THADA: variants seen among roughly 807,000 people sequenced by gnomAD.
The protein encoded by THADA is THADA armadillo repeat containing, also known as tRNA (32-2'-O)-methyltransferase regulator THADA.
THADA carries 213 observed loss-of-function variants against 219.8 expected under a neutral mutation model. That is an observed-to-expected ratio of 0.97 (90% CI 0.87 to 1.09). The LOEUF is 1.09. THADA is among the 50% of genes least tolerant of loss of function. The pLI is 0.00. For synonymous variants in THADA, 1,018 were observed against 828.9 expected, an observed-to-expected ratio of 1.23 and a Z score of -3.92; for missense variants, 2,956 against 2,311.3, an observed-to-expected ratio of 1.28 and a Z score of -5.72.
intron 28 of THADA, among the ~76,000 whole-genome samples, chr2:43,409,782 G>A (rs1298670421): frequency 1.3e-5 from 2 of 152,110 alleles, no homozygotes; most frequent in Non-Finnish European, 2.9e-5. Flanking sequence ...CACTTTGGTA[G>A]ACTGAGGCAG....
chr2:43,534,888 A>G (rs1694346805), intron 21 of THADA, among the ~76,000 whole-genome samples: 1 of 152,002 alleles, frequency 6.6e-6, no homozygotes, highest in Non-Finnish European at 1.5e-5. Flanking sequence ...ATCATACGGT[A>G]TTTCTATGTG....
chr2:43,301,238 A>G (rs6727824), intron 31 of THADA, among the ~76,000 whole-genome samples: 33,345 of 152,168 alleles, frequency 0.22, 4,554 homozygotes, highest in African/African-American at 0.38. Context: ...ATTCCAGCGC[A>G]GGACTTCACA....
chr2:43,389,525 T>C (rs1201390880), intron 29 of THADA, among the ~76,000 whole-genome samples: 1 of 152,132 alleles, frequency 6.6e-6, no homozygotes, highest in African/African-American at 2.4e-5. Flanking sequence ...TTCTTCCACA[T>C]ATATTATTGT....
intron 31 of THADA, among the ~76,000 whole-genome samples, chr2:43,312,564 A>G (rs1205485605): frequency 3.3e-5 from 5 of 152,200 alleles, no homozygotes; most frequent in African/African-American, 4.8e-5. Flanking sequence ...AACATACCCT[A>G]TATTATTCTG....
chr2:43,550,475 A>G (rs571854264), intron 19 of THADA, among the ~76,000 whole-genome samples: 1 of 152,336 alleles, frequency 6.6e-6, no homozygotes, highest in South Asian at 2.1e-4. Flanking sequence ...TAAGAATCCT[A>G]TCCATTCAAT....
intron 36 of THADA, among the ~76,000 whole-genome samples, chr2:43,245,046 T>A (rs1177865303): frequency 1.3e-5 from 2 of 152,196 alleles, no homozygotes; most frequent in African/African-American, 4.8e-5. Context: ...GTTCACCAGC[T>A]CTGAGGACAC....
At chr2:43,556,852 G>T (rs1697418689) in intron 16 of THADA, among the ~76,000 whole-genome samples, 3 of 152,156 alleles carry the variant, frequency 2.0e-5, no homozygotes, top group Admixed American at 2.0e-4. Context: ...ATCACTTGAG[G>T]TTAGGAGTCT....
In THADA at chr2:43,396,868, TA is replaced by T. The variant is rs139077526; in HGVS notation, c.4227+1102del. ...AGTTCTATCTTGCATTCTTATTACC[TA>T]GGGGGAATTAGTTATGAAATAATTA... is the stretch of plus-strand genomic sequence containing the variant. On this transcript the variant is annotated intron_variant, in intron 29 of 37. Coordinates refer to ENST00000405975, the MANE Select transcript of THADA (RefSeq NM_022065.5). 7.1e-3 allele frequency among the ~76,000 whole-genome samples: 1,086 copies of T among 152,158 alleles called. 13 individuals are homozygous for T. Among genetic ancestry groups the T allele is most frequent in the African/African-American group, 0.024 (1,009 of 41,536 alleles).
chr2:43,520,625 G>A (rs1389665683), intron 22 of THADA, among the ~76,000 whole-genome samples: 2 of 151,900 alleles, frequency 1.3e-5, no homozygotes, highest in Non-Finnish European at 2.9e-5. Flanking sequence ...AGGAGGTTGA[G>A]GCTGCAATGA....
intron 26 of THADA, among the ~76,000 whole-genome samples, chr2:43,457,035 C>T (rs188813546): frequency 3.2e-4 from 48 of 151,694 alleles, no homozygotes; most frequent in East Asian, 1.2e-3. Flanking sequence ...ATTTTATATA[C>T]GTGTGTGTGT....
intron 10 of THADA, among the ~76,000 whole-genome samples, chr2:43,576,317 T>G (rs1028128553): frequency 6.6e-6 from 1 of 152,228 alleles, no homozygotes; most frequent in Non-Finnish European, 1.5e-5. Flanking sequence ...ACATGATCAC[T>G]TTCAGCCATT....
intron 29 of THADA, among the ~76,000 whole-genome samples, chr2:43,369,661 G>C (rs913859849): frequency 1.3e-5 from 2 of 152,084 alleles, no homozygotes; most frequent in Non-Finnish European, 2.9e-5. Flanking sequence ...AAATCTCCAG[G>C]ACAGGCACTT....
At chr2:43,504,085 G>C (rs1689355682) in intron 24 of THADA, among the ~76,000 whole-genome samples, 1 of 151,804 alleles carries the variant, frequency 6.6e-6, no homozygotes, top group African/African-American at 2.4e-5. Flanking sequence ...AAAAAAAACT[G>C]AACTCTGAAA....
At chr2:43,479,183 T>C (rs1573857416) in intron 26 of THADA, among the ~76,000 whole-genome samples, 1 of 152,324 alleles carries the variant, frequency 6.6e-6, no homozygotes, top group South Asian at 2.1e-4. Flanking sequence ...CTTCATACTT[T>C]AAATCAGAAT....
Position 43,231,359 on chromosome 2 carries a change from A to G in THADA, c.5467-16T>C. The G allele has an allele frequency of 6.7e-7, 1 of 1,502,044 alleles. No homozygotes were observed. The highest frequency in any genetic ancestry group is 8.9e-7 in the Non-Finnish European group (1 of 1,126,504). The allele number at this position is 1,502,044 out of a possible 1,614,324, so 93.0% of individuals were successfully genotyped here. A position where few individuals can be genotyped will look rare whatever the true frequency, so the allele number is the denominator to read the frequency against. ...CTTCTTCCACCTAAATCAGATGAAA[A>G]AGCCGAAAGTCAGTCTTACAGGGAA... On this transcript the variant is annotated splice_polypyrimidine_tract_variant and intron_variant, in intron 37 of 37. Transcript: ENST00000405975.
At chr2:43,372,399 TAAAAC>T (rs1415124899) in intron 29 of THADA, among the ~76,000 whole-genome samples, 2 of 152,158 alleles carry the variant, frequency 1.3e-5, no homozygotes, top group African/African-American at 4.8e-5. Flanking sequence ...ATTACACAAA[TAAAAC>T]AAAACCCTAA....
chr2:43,593,908 C>A (rs1386892096), intron 1 of THADA, among the ~76,000 whole-genome samples: 1 of 152,176 alleles, frequency 6.6e-6, no homozygotes, highest in South Asian at 2.1e-4. Flanking sequence ...GCTGGGATTA[C>A]AGGCGTGAGC....
intron 4 of THADA, among the ~76,000 whole-genome samples, chr2:43,587,388 AT>A (rs969648812): frequency 7.9e-5 from 12 of 152,002 alleles, no homozygotes; most frequent in African/African-American, 2.4e-4. Context: ...CCTCATCTTT[AT>A]TTATTTTTTT....
At chr2:43,385,236 A>G (rs1167104735) in intron 29 of THADA, among the ~76,000 whole-genome samples, 1 of 152,214 alleles carries the variant, frequency 6.6e-6, no homozygotes, top group Non-Finnish European at 1.5e-5. Context: ...TGAAAAAATC[A>G]GTTATAAAGC....
Sources: allele counts gnomAD v4.1 joint callset (sites outside exome capture counted in the v4.1 genomes callset), GRCh38; gene constraint gnomAD v4.1.1; transcripts MANE v1.5; gene names NCBI Gene and HGNC (gene_info 2026-07-23, HGNC 2026-07-21).